FMNL2: variants seen among roughly 807,000 people sequenced by gnomAD.
The protein encoded by FMNL2 is formin-like protein 2.
Under a neutral mutation model 130.2 loss-of-function variants are expected in FMNL2, and 51 were observed. That is an observed-to-expected ratio of 0.39 (90% CI 0.31 to 0.49). FMNL2 has a LOEUF of 0.49. FMNL2 is among the 20% of genes least tolerant of loss of function. The probability of loss-of-function intolerance (pLI) is 0.85; values close to 1 mark genes in which losing one functional copy is unlikely to be tolerated. For missense variants in FMNL2, 977 were observed against 1,316.2 expected (o/e 0.74, Z 3.99); for synonymous variants, 465 against 467.1 (o/e 1.00, Z 0.06).
chr2:152,500,161 T>C (rs532405502), intron 1 of FMNL2, among the ~76,000 whole-genome samples: 1 of 152,278 alleles, frequency 6.6e-6, no homozygotes, highest in Non-Finnish European at 1.5e-5. Context: ...CATGTTGTTA[T>C]AGGCAACACC....
At chr2:152,486,126 T>C (rs947508514) in intron 1 of FMNL2, among the ~76,000 whole-genome samples, 1 of 152,236 alleles carries the variant, frequency 6.6e-6, no homozygotes, top group Non-Finnish European at 1.5e-5. Context: ...TCAAGTGGAT[T>C]GTTATCCTGA....
intron 1 of FMNL2, among the ~76,000 whole-genome samples, chr2:152,403,457 GGGTTAGAATCTAATACT>G (rs1287504623): frequency 6.6e-6 from 1 of 152,064 alleles, no homozygotes; most frequent in Non-Finnish European, 1.5e-5. Context: ...TTTATCCTTT[GGGTTAGAATCTAATACT>G]GCTTTATTTT....
At chr2:152,609,915 G>A (rs77699969) in intron 10 of FMNL2, among the ~76,000 whole-genome samples, 2,281 of 152,306 alleles carry the variant, frequency 0.015, 34 homozygotes, top group Non-Finnish European at 0.024. Context: ...TTAGTAAGAT[G>A]TTTCCACCAT....
chr2:152,515,016 A>G (rs754058915), intron 1 of FMNL2, among the ~76,000 whole-genome samples: 8 of 152,114 alleles, frequency 5.3e-5, no homozygotes, highest in Non-Finnish European at 1.0e-4. Context: ...GGAAGCTGAG[A>G]TTTAGTATAA....
intron 1 of FMNL2, among the ~76,000 whole-genome samples, chr2:152,472,733 A>T (rs1335281005): frequency 6.6e-6 from 1 of 152,152 alleles, no homozygotes; most frequent in African/African-American, 2.4e-5. Flanking sequence ...CTCATTTGCA[A>T]TCACATAGTT....
chr2:152,636,717 T>TA, intron 22 of FMNL2, 127 bp downstream of exon 22: 1 of 1,140,694 alleles, frequency 8.8e-7, no homozygotes, highest in East Asian at 2.6e-5. Context: ...TTTCTTGTTG[T>TA]AACTATTATT....
chr2:152,373,872 A>T (rs1045144758), intron 1 of FMNL2, among the ~76,000 whole-genome samples: 1 of 147,600 alleles, frequency 6.8e-6, no homozygotes, highest in African/African-American at 2.5e-5. Context: ...ATTTATTACT[A>T]TTTTTTTTTT....
At chr2:152,503,789 G>C (rs1201120114) in intron 1 of FMNL2, among the ~76,000 whole-genome samples, 1 of 152,162 alleles carries the variant, frequency 6.6e-6, no homozygotes, top group Non-Finnish European at 1.5e-5. Context: ...TTTGGGGAAG[G>C]TATTGCAGTG....
At position 152,624,793 on chromosome 2, in the gene FMNL2, C is replaced by T. The variant is rs569985630; in HGVS notation, c.1838-645C>T. ...TCAAGGCTGCAGCGAGCCATGATTG[C>T]GGCACTGCACTGCAGCCCGGGTGAC... On this transcript the variant is annotated intron_variant, in intron 15 of 25. Transcript: ENST00000288670. Among the ~76,000 whole-genome samples, 17 of 152,300 alleles carry T rather than the reference C, an allele frequency of 1.1e-4. No homozygotes were observed. In the South Asian group the frequency reaches 1.4e-3, roughly 13 times the overall value.
chr2:152,523,444 A>G (rs991860294), intron 2 of FMNL2, among the ~76,000 whole-genome samples: 2 of 152,114 alleles, frequency 1.3e-5, no homozygotes, highest in African/African-American at 2.4e-5. Flanking sequence ...TCCTGCCTGC[A>G]TTTTCCCTCC....
chr2:152,615,969 G>A (rs987566106), intron 12 of FMNL2, among the ~76,000 whole-genome samples: 3 of 152,096 alleles, frequency 2.0e-5, no homozygotes, highest in East Asian at 1.9e-4. Context: ...TAAAAGTGCC[G>A]CTATGACCCA....
chr2:152,374,505 G>C (rs999911048), intron 1 of FMNL2, among the ~76,000 whole-genome samples: 1 of 152,192 alleles, frequency 6.6e-6, no homozygotes, highest in Non-Finnish European at 1.5e-5. Flanking sequence ...TATTGAACCA[G>C]TGGGTTATTT....
At chr2:152,470,622 T>C (rs773414259) in intron 1 of FMNL2, among the ~76,000 whole-genome samples, 25 of 152,230 alleles carry the variant, frequency 1.6e-4, no homozygotes, top group Non-Finnish European at 2.5e-4. Flanking sequence ...CCATAATTAG[T>C]ACATAGTCGC....
In FMNL2 at chr2:152,521,976, T is replaced by A; in HGVS notation, c.151T>A (p.Leu51Ile). The change falls in exon 2 of 26, where the codon TTA becomes ATA. Residue 51 changes from leucine to isoleucine, a missense_variant. Around this residue, in one of 4 missense-constraint regions of FMNL2, gnomAD observed 117 missense variants for 134.9 expected, o/e 0.87. Coordinates refer to ENST00000288670, the MANE Select transcript of FMNL2 (RefSeq NM_052905.4). Reference protein sequence around the residue: ...AMNLPPDKARLLRQYDNEKKW... With the variant: ...AMNLPPDKARILRQYDNEKKW... ...GAACCTACCTCCTGACAAAGCCAGGTTACTGCGGCAGTATGATAATGAGAA... is the reference window on the plus strand; with the variant it reads ...GAACCTACCTCCTGACAAAGCCAGGATACTGCGGCAGTATGATAATGAGAA... The A allele has an allele frequency of 6.2e-7, 1 of 1,613,032 alleles. No individual in the cohort carries two copies. The highest frequency in any genetic ancestry group is 8.5e-7 in the Non-Finnish European group (1 of 1,179,590).
chr2:152,382,323 A>AG (rs1248917089), intron 1 of FMNL2, among the ~76,000 whole-genome samples: 4 of 152,164 alleles, frequency 2.6e-5, no homozygotes, highest in African/African-American at 9.7e-5. Context: ...GTCAAAGGAG[A>AG]GGCGTCATTA....
intron 1 of FMNL2, among the ~76,000 whole-genome samples, chr2:152,456,482 A>G (rs967125707): frequency 1.3e-5 from 2 of 152,206 alleles, no homozygotes; most frequent in African/African-American, 4.8e-5. Flanking sequence ...GAATATAGGC[A>G]TGAGTCACTG....
chr2:152,426,010 G>A (rs1169179496), intron 1 of FMNL2, among the ~76,000 whole-genome samples: 1 of 152,214 alleles, frequency 6.6e-6, no homozygotes, highest in Admixed American at 6.5e-5. Context: ...TTGGGTATAC[G>A]TTGTGATAGA....
At chr2:152,421,443 T>TG (rs1222692090) in intron 1 of FMNL2, among the ~76,000 whole-genome samples, 1 of 152,174 alleles carries the variant, frequency 6.6e-6, no homozygotes, top group African/African-American at 2.4e-5. Context: ...CTAACCTCTC[T>TG]GGGGAAACTC....
intron 1 of FMNL2, among the ~76,000 whole-genome samples, chr2:152,381,962 C>G (rs1442308781): frequency 6.6e-6 from 1 of 152,008 alleles, no homozygotes; most frequent in East Asian, 1.9e-4. Context: ...TCACACCCAG[C>G]TAATTTTTGT....
Sources: gnomAD v4.1 joint callset for allele counts (sites outside exome capture counted in the v4.1 genomes callset) on GRCh38, gnomAD v4.1.1 for gene constraint, gnomAD v4.1.1 regional missense constraint, MANE v1.5 for transcripts, NCBI Gene and HGNC (gene_info 2026-07-23, HGNC 2026-07-21) for gene names.